The following PSMF1 variants were observed in gnomAD, a reference collection of about 807,000 sequenced individuals.
The protein encoded by PSMF1 is proteasome inhibitor subunit 1.
PSMF1 carries 30 observed loss-of-function variants against 29.3 expected under a neutral mutation model. The observed-to-expected ratio is 1.02, with a 90% confidence interval of 0.77 to 1.39. The LOEUF is 1.39. Ranked by LOEUF, PSMF1 falls within the 40% of genes most tolerant of loss-of-function variation. The pLI is 0.00. For missense variants in PSMF1, 344 were observed against 357.5 expected, an observed-to-expected ratio of 0.96 and a Z score of 0.31; for synonymous variants, 134 against 139.7, an observed-to-expected ratio of 0.96 and a Z score of 0.29.
chr20:1,114,487 T>C (rs1208705458), upstream of PSMF1, among the ~76,000 whole-genome samples: 1 of 152,056 alleles, frequency 6.6e-6, no homozygotes, highest in Non-Finnish European at 1.5e-5. Flanking sequence ...CAACCAACTG[T>C]ATGCAAAGCA....
At chr20:1,134,273 C>T (rs6104630) in intron 3 of PSMF1, among the ~76,000 whole-genome samples, 2,799 of 152,030 alleles carry the variant, frequency 0.018, 89 homozygotes, top group African/African-American at 0.063. Flanking sequence ...CACATATTTT[C>T]GTATGTTTTT....
intron 4 of PSMF1, among the ~76,000 whole-genome samples, chr20:1,147,102 C>G (rs924491936): frequency 1.3e-5 from 2 of 151,992 alleles, no homozygotes; most frequent in Non-Finnish European, 2.9e-5. Context: ...TATTTAGGCC[C>G]AGGCCCAGGT....
intron 3 of PSMF1, among the ~76,000 whole-genome samples, chr20:1,133,211 G>A (rs1387678043): frequency 6.6e-6 from 1 of 151,094 alleles, no homozygotes; most frequent in Non-Finnish European, 1.5e-5. Flanking sequence ...ATATTGTTAG[G>A]GGTAGGTTTT....
chr20:1,118,740 T>C lies in PSMF1; in HGVS notation c.-34T>C, dbSNP rs763502783. The C allele has an allele frequency of 1.9e-6, 3 of 1,602,382 alleles. No individual in the cohort carries two copies. In the East Asian group the frequency reaches 6.7e-5, roughly 36 times the overall value. On this transcript the variant is annotated 5_prime_UTR_variant, in exon 1 of 7. Transcript: ENST00000335877. ...GGCTCACTGCACTACCCCCGCCCCCTTCTTTCCTCCAGACGCCGAAGTCGC... is the reference window on the plus strand; with the variant it reads ...GGCTCACTGCACTACCCCCGCCCCCCTCTTTCCTCCAGACGCCGAAGTCGC...
intron 3 of PSMF1, among the ~76,000 whole-genome samples, chr20:1,132,380 A>T (rs1196458746): frequency 6.6e-6 from 1 of 150,840 alleles, no homozygotes; most frequent in African/African-American, 2.4e-5. Flanking sequence ...GGTTCAAGTG[A>T]TTCTCCTGCC....
At chr20:1,159,147 G>A (rs889636743) in intron 4 of PSMF1, among the ~76,000 whole-genome samples, 1 of 151,940 alleles carries the variant, frequency 6.6e-6, no homozygotes, top group African/African-American at 2.4e-5. Context: ...AGTCTTTGTT[G>A]AATATGAGCC....
chr20:1,146,013 T>G (rs2086444708), intron 4 of PSMF1, among the ~76,000 whole-genome samples: 4 of 152,184 alleles, frequency 2.6e-5, no homozygotes, highest in Admixed American at 2.6e-4. Context: ...CATTGTACAT[T>G]TTTGGTGAGT....
upstream of PSMF1, among the ~76,000 whole-genome samples, chr20:1,115,947 G>A (rs2086007621): frequency 6.6e-6 from 1 of 151,742 alleles, no homozygotes; most frequent in Non-Finnish European, 1.5e-5. Context: ...TGGCCAGGCT[G>A]GTCTTGAACT....
chr20:1,118,663 A>T lies in PSMF1; in HGVS notation c.-111A>T. The stretch of plus-strand genomic sequence containing the variant: ...TTTTGGTCTCAGGTGTGGACTCGGC[A>T]AGAACCAGCGCAAGAGGGAAGCAGA... On this transcript the variant is annotated 5_prime_UTR_variant, in exon 1 of 7. Coordinates refer to ENST00000335877, the MANE Select transcript of PSMF1 (RefSeq NM_006814.5). 1 of 1,344,064 alleles carries T rather than the reference A, an allele frequency of 7.4e-7. No homozygotes were observed. The highest frequency in any genetic ancestry group is 1.4e-5 in the South Asian group (1 of 69,216). The allele number at this position is 1,344,064 out of a possible 1,614,324, so 83.3% of individuals were successfully genotyped here. A position where few individuals can be genotyped will look rare whatever the true frequency, so the allele number is the denominator to read the frequency against.
chr20:1,133,571 T>TATATATA (rs1568469077), intron 3 of PSMF1, among the ~76,000 whole-genome samples: 1 of 44,108 alleles, frequency 2.3e-5, no homozygotes, highest in African/African-American at 8.2e-5. Flanking sequence ...ATATATATAT[T>TATATATA]TTTTTTTTTT....
At chr20:1,157,655 C>T (rs1476907076) in intron 4 of PSMF1, among the ~76,000 whole-genome samples, 3 of 152,100 alleles carry the variant, frequency 2.0e-5, no homozygotes, top group Admixed American at 6.5e-5. Flanking sequence ...TTACAGTCCT[C>T]GTTTCTGCAG....
chr20:1,141,068 G>A (rs2086374381), intron 4 of PSMF1, among the ~76,000 whole-genome samples: 1 of 152,198 alleles, frequency 6.6e-6, no homozygotes, highest in Non-Finnish European at 1.5e-5. Flanking sequence ...AGTGAAAGAA[G>A]CCAGTCATAA....
intron 4 of PSMF1, among the ~76,000 whole-genome samples, chr20:1,148,058 A>T (rs1353334360): frequency 6.6e-6 from 1 of 152,136 alleles, no homozygotes; most frequent in East Asian, 1.9e-4. Flanking sequence ...CCTCTCTCAC[A>T]CCTGGAAATT....
chr20:1,130,675 A>C (rs2086217160), intron 3 of PSMF1, among the ~76,000 whole-genome samples: 1 of 152,162 alleles, frequency 6.6e-6, no homozygotes, highest in Admixed American at 6.5e-5. Context: ...TTGCCCAGGC[A>C]GGCTGGAGTA....
Position 1,165,231 on chromosome 20 carries a change from T to A in PSMF1, c.*151T>A. 1 of 1,460,480 alleles carries A rather than the reference T, an allele frequency of 6.8e-7. No homozygotes were observed. Among genetic ancestry groups the A allele is most frequent in the Non-Finnish European group, 9.0e-7 (1 of 1,106,310 alleles). The allele number at this position is 1,460,480 out of a possible 1,614,324, so 90.5% of individuals were successfully genotyped here. ...GCTGGGATAGCCTCCCCACCCCTTA[T>A]CAGAGCCAAGACACCTGCTGCAGCT... On this transcript the variant is annotated 3_prime_UTR_variant, in exon 7 of 7. Coordinates refer to ENST00000335877, the MANE Select transcript of PSMF1 (RefSeq NM_006814.5).
chr20:1,133,569 A>ATATATATATT, intron 3 of PSMF1, among the ~76,000 whole-genome samples: 3 of 53,288 alleles, frequency 5.6e-5, no homozygotes, highest in Admixed American at 2.0e-4. Flanking sequence ...ATATATATAT[A>ATATATATATT]TTTTTTTTTT....
At position 1,166,403 on chromosome 20, in the gene PSMF1, A is replaced by C; in HGVS notation, c.*1323A>C. 1 of 860,634 alleles carries C rather than the reference A, an allele frequency of 1.2e-6. No individual in the cohort carries two copies. Among genetic ancestry groups the C allele is most frequent in the Non-Finnish European group, 1.9e-6 (1 of 533,990 alleles). The allele number at this position is 860,634 out of a possible 1,614,324, so 53.3% of individuals were successfully genotyped here. On this transcript the variant is annotated 3_prime_UTR_variant, in exon 7 of 7. Transcript: ENST00000335877. ...CAGCTCCCTGGATTCCTTCCCCTAAATTAGGACCTATTATTTACCTGTAGG... is the reference window on the plus strand; with the variant it reads ...CAGCTCCCTGGATTCCTTCCCCTAACTTAGGACCTATTATTTACCTGTAGG...
intron 4 of PSMF1, among the ~76,000 whole-genome samples, chr20:1,162,505 T>C (rs1214736645): frequency 6.6e-6 from 1 of 152,236 alleles, no homozygotes; most frequent in Non-Finnish European, 1.5e-5. Context: ...CCAGAAAGCA[T>C]GCAGTCATTT....
chr20:1,127,848 A>T (rs1432972179), intron 3 of PSMF1, among the ~76,000 whole-genome samples: 3 of 151,734 alleles, frequency 2.0e-5, no homozygotes, highest in Non-Finnish European at 2.9e-5. Flanking sequence ...CAACTTATTT[A>T]AAAAAAAATT....
Sources: gnomAD v4.1 joint callset for allele counts (sites outside exome capture counted in the v4.1 genomes callset) on GRCh38, gnomAD v4.1.1 for gene constraint, MANE v1.5 for transcripts, NCBI Gene and HGNC (gene_info 2026-07-23, HGNC 2026-07-21) for gene names.